The following MACROD2 variants were observed in gnomAD, a reference collection of about 807,000 sequenced individuals.
MACROD2 encodes the protein mono-ADP ribosylhydrolase 2.
A neutral mutation model predicts 70.4 loss-of-function variants in MACROD2; 36 were observed. That is an observed-to-expected ratio of 0.51 (90% CI 0.39 to 0.68). The LOEUF (loss-of-function observed/expected upper bound fraction) is 0.68, where lower values mean the gene tolerates loss of function less well. Ranked by LOEUF, MACROD2 falls within the 30% of genes least tolerant of loss-of-function variation. The pLI, the probability that MACROD2 is intolerant of heterozygous loss-of-function variation, is 0.00. For synonymous variants in MACROD2, 172 were observed against 178.8 expected (o/e 0.96, Z 0.30); for missense variants, 496 against 538.4 (o/e 0.92, Z 0.78).
At chr20:15,292,461 T>G (rs2077549308) in intron 6 of MACROD2, among the ~76,000 whole-genome samples, 1 of 152,184 alleles carries the variant, frequency 6.6e-6, no homozygotes, top group African/African-American at 2.4e-5. Context: ...GCTTTCCAAT[T>G]TGTAACAACC....
At chr20:15,833,981 T>C (rs979868179) in intron 8 of MACROD2, among the ~76,000 whole-genome samples, 6 of 152,130 alleles carry the variant, frequency 3.9e-5, no homozygotes, top group Admixed American at 6.5e-5. Flanking sequence ...TGACTTTGGG[T>C]AACTCCTGCA....
chr20:14,578,411 T>C (rs112119528), intron 4 of MACROD2, among the ~76,000 whole-genome samples: 6,164 of 152,188 alleles, frequency 0.041, 160 homozygotes, highest in African/African-American at 0.066. Context: ...GGATTTTTAG[T>C]GTTTCATTTA....
At chr20:15,807,278 G>A (rs1233600461) in intron 8 of MACROD2, among the ~76,000 whole-genome samples, 1 of 152,190 alleles carries the variant, frequency 6.6e-6, no homozygotes, top group Non-Finnish European at 1.5e-5. Context: ...GAGAATTTTA[G>A]TGACCAAAAC....
intron 5 of MACROD2, among the ~76,000 whole-genome samples, chr20:15,156,943 T>C (rs948528620): frequency 6.6e-6 from 1 of 152,266 alleles, no homozygotes; most frequent in Admixed American, 6.5e-5. Flanking sequence ...TCATTAAATC[T>C]GTATCACATT....
At chr20:14,442,996 G>A (rs1383640366) in intron 3 of MACROD2, among the ~76,000 whole-genome samples, 7 of 151,448 alleles carry the variant, frequency 4.6e-5, no homozygotes, top group Middle Eastern at 6.3e-3. Flanking sequence ...GGAGAATGGC[G>A]TGAACCCGGG....
intron 4 of MACROD2, among the ~76,000 whole-genome samples, chr20:14,505,565 A>AT (rs2084959589): frequency 6.6e-6 from 1 of 152,206 alleles, no homozygotes; most frequent in Non-Finnish European, 1.5e-5. Flanking sequence ...ATTATCTTAA[A>AT]TATACTCTGA....
At chr20:14,597,170 A>T (rs931799357) in intron 4 of MACROD2, among the ~76,000 whole-genome samples, 1 of 152,170 alleles carries the variant, frequency 6.6e-6, no homozygotes, top group East Asian at 1.9e-4. Flanking sequence ...TTACATTCTT[A>T]TTTCCTTTCT....
intron 5 of MACROD2, among the ~76,000 whole-genome samples, chr20:14,991,403 A>G (rs2074902787): frequency 6.6e-6 from 1 of 152,188 alleles, no homozygotes; most frequent in Non-Finnish European, 1.5e-5. Context: ...AATATGTTAC[A>G]GTGAGCAAAG....
intron 10 of MACROD2, among the ~76,000 whole-genome samples, chr20:15,901,268 T>C (rs1255765098): frequency 1.3e-5 from 2 of 152,158 alleles, no homozygotes; most frequent in East Asian, 3.9e-4. Context: ...CTATTCCCCT[T>C]ATCTTCAAGT....
chr20:14,500,516 T>C (rs908688949), intron 4 of MACROD2, among the ~76,000 whole-genome samples: 2 of 152,218 alleles, frequency 1.3e-5, no homozygotes, highest in Non-Finnish European at 2.9e-5. Flanking sequence ...ATTGCTCTAA[T>C]CTTGCCTGCT....
intron 4 of MACROD2, among the ~76,000 whole-genome samples, chr20:14,505,158 A>G (rs543332151): frequency 6.6e-6 from 1 of 152,352 alleles, no homozygotes; most frequent in Admixed American, 6.5e-5. Flanking sequence ...TTTTAGGAAC[A>G]TATGTACCAG....
chr20:14,059,447 A>G (rs1295516115), intron 2 of MACROD2, among the ~76,000 whole-genome samples: 2 of 152,162 alleles, frequency 1.3e-5, no homozygotes, highest in African/African-American at 4.8e-5. Context: ...GGTAAATAAG[A>G]TGCTTTAAAT....
chr20:14,321,672 T>C (rs750114268), intron 3 of MACROD2, among the ~76,000 whole-genome samples: 4 of 152,234 alleles, frequency 2.6e-5, no homozygotes, highest in Non-Finnish European at 4.4e-5. Flanking sequence ...CTTTAGGGCA[T>C]GTAGCTCTCT....
chr20:14,000,451 A>G (rs2052718757), intron 1 of MACROD2, among the ~76,000 whole-genome samples: 1 of 152,112 alleles, frequency 6.6e-6, no homozygotes, highest in African/African-American at 2.4e-5. Flanking sequence ...TAGTCTTTTA[A>G]AGTGGTTATT....
intron 5 of MACROD2, among the ~76,000 whole-genome samples, chr20:15,043,488 C>G (rs894049144): frequency 1.2e-4 from 19 of 152,320 alleles, no homozygotes; most frequent in Admixed American, 1.0e-3. Flanking sequence ...GCTGCACACC[C>G]ACATTCTCTC....
chr20:15,266,348 T>A (rs1175801599), intron 6 of MACROD2, among the ~76,000 whole-genome samples: 1 of 152,228 alleles, frequency 6.6e-6, no homozygotes, highest in East Asian at 1.9e-4. Context: ...GTCACTAAGA[T>A]AAGCCTGGGT....
At chr20:15,074,796 G>A (rs1411006491) in intron 5 of MACROD2, among the ~76,000 whole-genome samples, 1 of 152,174 alleles carries the variant, frequency 6.6e-6, no homozygotes, top group East Asian at 1.9e-4. Context: ...GTGGTGGGTA[G>A]AGAATAGAAA....
At chr20:14,376,674 T>G (rs2083374005) in intron 3 of MACROD2, among the ~76,000 whole-genome samples, 1 of 151,674 alleles carries the variant, frequency 6.6e-6, no homozygotes. Flanking sequence ...CGCTTGAGCC[T>G]GGGAGATTGA....
In MACROD2 at chr20:14,493,613, T is replaced by C; in HGVS notation, c.301+105T>C. ...ACTTAAAAGAAAATTAATTTTGCTGTAGTCATCAATTACAAAAATGTTAAT... is the reference window on the plus strand; with the variant it reads ...ACTTAAAAGAAAATTAATTTTGCTGCAGTCATCAATTACAAAAATGTTAAT... On this transcript the variant is annotated intron_variant, in intron 4 of 17. Coordinates refer to ENST00000684519, the MANE Select transcript of MACROD2 (RefSeq NM_001351661.2). The C allele has an allele frequency of 4.7e-6, 4 of 855,486 alleles. No homozygotes were observed. In the South Asian group the frequency reaches 4.8e-5, roughly 10 times the overall value. The allele number at this position is 855,486 out of a possible 1,614,324, so 53.0% of individuals were successfully genotyped here. A position where few individuals can be genotyped will look rare whatever the true frequency, so the allele number is the denominator to read the frequency against.
Sources: gnomAD v4.1 joint callset for allele counts (sites outside exome capture counted in the v4.1 genomes callset) on GRCh38, gnomAD v4.1.1 for gene constraint, MANE v1.5 for transcripts, NCBI Gene and HGNC (gene_info 2026-07-23, HGNC 2026-07-21) for gene names.